The following IAH1 variants were observed in gnomAD, a reference collection of about 807,000 sequenced individuals.
The protein encoded by IAH1 is isoamyl acetate-hydrolyzing esterase 1 homolog.
In IAH1, 24 loss-of-function variants were observed where a neutral mutation model predicts 26.7. The ratio of observed to expected loss-of-function variants is 0.90; its 90% CI spans 0.65 to 1.26. The LOEUF (loss-of-function observed/expected upper bound fraction) is 1.26. Ranked by LOEUF, IAH1 falls within the 50% of genes most tolerant of loss-of-function variation. The pLI is 0.00. For missense variants in IAH1, 300 were observed against 299.9 expected (o/e 1.00, Z 0.00); for synonymous variants, 140 against 118.5 (o/e 1.18, Z -1.18).
rs1386981823 is a variant in IAH1 at position 9,489,248 on chromosome 2, G to A, written c.*919G>A. Reference sequence around the variant, plus strand: ...TTTGTATTTTAAATATTCTAGGTTTGTAGATAGTGAATTTTTTTTTTTTTT... The same window carrying A: ...TTTGTATTTTAAATATTCTAGGTTTATAGATAGTGAATTTTTTTTTTTTTT... On this transcript the variant is annotated 3_prime_UTR_variant, in exon 6 of 6. Transcript: ENST00000497473. The A allele has an allele frequency of 7.6e-6, 1 of 132,268 alleles. No individual in the cohort carries two copies. Among genetic ancestry groups the A allele is most frequent in the Non-Finnish European group, 1.5e-5 (1 of 66,014 alleles). The allele number at this position is 132,268 out of a possible 1,614,324, so 8.2% of individuals were successfully genotyped here. A position where few individuals can be genotyped will look rare whatever the true frequency, so the allele number is the denominator to read the frequency against.
At chr2:9,502,714 A>G in the IAH1 span, among the ~76,000 whole-genome samples, 2 of 151,894 alleles carry the variant, frequency 1.3e-5, no homozygotes, top group Non-Finnish European at 2.9e-5. Flanking sequence ...CCCCATCTCT[A>G]CTAAAAATAC....
rs1052575038 is a variant in IAH1 at position 9,489,054 on chromosome 2, G to A, written c.*725G>A. 1 of 152,128 alleles carries A rather than the reference G, an allele frequency of 6.6e-6. No homozygotes were observed. Among genetic ancestry groups the A allele is most frequent in the African/African-American group, 2.4e-5 (1 of 41,426 alleles). The allele number at this position is 152,128 out of a possible 1,614,324, so 9.4% of individuals were successfully genotyped here. A position where few individuals can be genotyped will look rare whatever the true frequency, so the allele number is the denominator to read the frequency against. Reference sequence around the variant, plus strand: ...ATATCTGCTTGTGGGTCAATAAAAAGGGTTTCTGAAGTATCAAGTCTTGTG... The same window carrying A: ...ATATCTGCTTGTGGGTCAATAAAAAAGGTTTCTGAAGTATCAAGTCTTGTG... On this transcript the variant is annotated 3_prime_UTR_variant, in exon 6 of 6. Coordinates refer to ENST00000497473, the MANE Select transcript of IAH1 (RefSeq NM_001039613.3).
intron 1 of IAH1, 68 bp from the exon 2 acceptor site, chr2:9,475,919 C>G: frequency 1.4e-6 from 2 of 1,397,770 alleles, no homozygotes; most frequent in Non-Finnish European, 2.0e-6. Flanking sequence ...AGTTGCCAAT[C>G]AGAACTGCCC....
chr2:9,507,811 C>A, the IAH1 span, among the ~76,000 whole-genome samples: 122 of 152,236 alleles, frequency 8.0e-4, no homozygotes, highest in Non-Finnish European at 1.3e-3. Context: ...CCTTGAACTC[C>A]CCGGGTTCCT....
chr2:9,499,558 C>T (rs572639846), downstream of IAH1, among the ~76,000 whole-genome samples: 35 of 152,160 alleles, frequency 2.3e-4, no homozygotes, highest in African/African-American at 7.7e-4. Flanking sequence ...CCCGCCACCA[C>T]GCCCAGCTAA....
downstream of IAH1, chr2:9,491,037 G>A: frequency 2.8e-6 from 4 of 1,454,060 alleles, no homozygotes; most frequent in East Asian, 4.6e-5. Context: ...GTCAGGTGAA[G>A]GTCTTTGCCT....
At chr2:9,487,831 T>C (rs1041270367) in intron 5 of IAH1, among the ~76,000 whole-genome samples, 1,864 of 80,002 alleles carry the variant, frequency 0.023, 26 homozygotes, top group Admixed American at 0.051. Context: ...TGTGTGTGTG[T>C]GTGCGCGCGC....
At chr2:9,482,306 G>A (rs1278962836) in intron 4 of IAH1, among the ~76,000 whole-genome samples, 2 of 152,162 alleles carry the variant, frequency 1.3e-5, no homozygotes, top group African/African-American at 4.8e-5. Context: ...GGGATTACAG[G>A]CGTGAGCCAC....
chr2:9,490,420 C>A, downstream of IAH1: 1 of 1,614,156 alleles, frequency 6.2e-7, no homozygotes. Context: ...CCGAAGGGAT[C>A]ACAGGGGCAG....
At chr2:9,495,500 G>A (rs973630743) in intron 6 of IAH1, among the ~76,000 whole-genome samples, 1 of 152,102 alleles carries the variant, frequency 6.6e-6, no homozygotes, top group African/African-American at 2.4e-5. Context: ...ATCACTTGAG[G>A]CCAGGAGTTC....
downstream of IAH1, among the ~76,000 whole-genome samples, chr2:9,498,686 G>C (rs1278971324): frequency 6.6e-6 from 1 of 152,186 alleles, no homozygotes; most frequent in African/African-American, 2.4e-5. Context: ...TGAGCACTGG[G>C]CATTCATCAT....
downstream of IAH1, chr2:9,494,717 C>T (rs749066091): frequency 3.7e-6 from 6 of 1,614,134 alleles, no homozygotes; most frequent in South Asian, 5.5e-5. Context: ...ACATAGGGCA[C>T]ACAGCGGCCA....
At chr2:9,476,492 G>A (rs1231404531) in intron 2 of IAH1, among the ~76,000 whole-genome samples, 1 of 152,224 alleles carries the variant, frequency 6.6e-6, no homozygotes, top group Non-Finnish European at 1.5e-5. Context: ...CTTGTTAGGC[G>A]CGTCCACGTG....
At position 9,484,642 on chromosome 2, in the gene IAH1, G is replaced by A. The variant is rs114930244; in HGVS notation, c.564+92G>A. The A allele has an allele frequency of 4.4e-3, 3,562 of 811,108 alleles. 18 individuals carry two copies. The highest frequency in any genetic ancestry group is 4.5e-3 in the Non-Finnish European group (2,192 of 482,090). The allele number at this position is 811,108 out of a possible 1,614,324, so 50.2% of individuals were successfully genotyped here. On this transcript the variant is annotated intron_variant, in intron 5 of 5. Transcript: ENST00000497473. ...CAGCAGCTTTCCCTAGAAAGGCCCT[G>A]CTTAGCTAAGACAGTCATCCCTTTA...
At chr2:9,502,424 G>A in the IAH1 span, 23 of 653,234 alleles carry the variant, frequency 3.5e-5, no homozygotes, top group East Asian at 2.2e-4. Context: ...AGACATCTCC[G>A]CTGCTAGAGC....
At chr2:9,481,515 A>G (rs890612096) in intron 4 of IAH1, 68 bp downstream of exon 4, 1 of 1,504,774 alleles carries the variant, frequency 6.6e-7, no homozygotes. Context: ...CTGATAGGAC[A>G]GTGGTTTCCT....
At chr2:9,509,215 C>T in the IAH1 span, among the ~76,000 whole-genome samples, 4 of 152,208 alleles carry the variant, frequency 2.6e-5, no homozygotes, top group Non-Finnish European at 1.5e-5. Context: ...TCCCCACCGA[C>T]CCTCTTTAAC....
downstream of IAH1, chr2:9,489,973 A>T (rs926751576): frequency 2.0e-5 from 10 of 504,400 alleles, no homozygotes; most frequent in Non-Finnish European, 3.5e-5. Context: ...GCCTCAAAAT[A>T]AGCTAGATTC....
chr2:9,491,063 CAGGCG>C (rs1459151636), downstream of IAH1: 1 of 1,587,708 alleles, frequency 6.3e-7, no homozygotes, highest in Non-Finnish European at 8.6e-7. Flanking sequence ...GGCCTCAGAC[CAGGCG>C]AAGATTATGT....
Sources: gnomAD v4.1 joint callset for allele counts (sites outside exome capture counted in the v4.1 genomes callset) on GRCh38, gnomAD v4.1.1 for gene constraint, MANE v1.5 for transcripts, NCBI Gene and HGNC (gene_info 2026-07-23, HGNC 2026-07-21) for gene names.